Variants in RFTN2 observed in about 807,000 individuals in gnomAD.
RFTN2 encodes the protein raftlin-2.
Under a neutral mutation model 52.7 loss-of-function variants are expected in RFTN2, and 34 were observed. The ratio of observed to expected loss-of-function variants is 0.64; its 90% CI spans 0.49 to 0.86. The LOEUF (loss-of-function observed/expected upper bound fraction) is 0.86, where lower values mean the gene tolerates loss of function less well. RFTN2 is among the 40% of genes least tolerant of loss of function. The pLI, the probability that RFTN2 is intolerant of heterozygous loss-of-function variation, is 0.00. For missense variants in RFTN2, 536 were observed against 600.1 expected, an observed-to-expected ratio of 0.89 and a Z score of 1.12; for synonymous variants, 203 against 217.7, an observed-to-expected ratio of 0.93 and a Z score of 0.59.
At chr2:197,646,777 C>A in intron 1 of RFTN2, 111 bp from the exon 2 acceptor site, 1 of 829,958 alleles carries the variant, frequency 1.2e-6, no homozygotes, top group East Asian at 2.8e-5. Context: ...TGGCCGGGTG[C>A]AATGGCACAT....
intron 7 of RFTN2, among the ~76,000 whole-genome samples, chr2:197,601,423 G>A (rs2087879874): frequency 6.6e-6 from 1 of 152,134 alleles, no homozygotes; most frequent in African/African-American, 2.4e-5. Context: ...TAACATGCTT[G>A]TTTCTTATGA....
chr2:197,572,372 G>T (rs2087333718), intron 8 of RFTN2, 92 bp from the exon 9 acceptor site: 2 of 1,272,448 alleles, frequency 1.6e-6, no homozygotes, highest in Non-Finnish European at 2.2e-6. Context: ...CTGCCTCCAG[G>T]AATGTCCTTT....
At chr2:197,619,093 G>C (rs888931689) in intron 5 of RFTN2, among the ~76,000 whole-genome samples, 3 of 151,068 alleles carry the variant, frequency 2.0e-5, no homozygotes, top group African/African-American at 7.3e-5. Context: ...GGGAAGTGAG[G>C]AGCCCCTCTG....
chr2:197,594,362 C>T (rs1438782008), intron 8 of RFTN2, among the ~76,000 whole-genome samples: 5 of 152,044 alleles, frequency 3.3e-5, no homozygotes, highest in Non-Finnish European at 5.9e-5. Context: ...GGGTCTCACT[C>T]CGTCACCCAG....
In RFTN2 at chr2:197,591,628, C is replaced by T. The variant is rs536201020; in HGVS notation, c.1233+4363G>A. On this transcript the variant is annotated intron_variant, in intron 8 of 8. Transcript: ENST00000295049. ...GGGGCAGCACTCATTGGGGAGGCTCCGGTGGTGCAGGAGCCCACGGTGGTG... is the reference window on the plus strand; with the variant it reads ...GGGGCAGCACTCATTGGGGAGGCTCTGGTGGTGCAGGAGCCCACGGTGGTG... 5.3e-5 allele frequency among the ~76,000 whole-genome samples: 8 copies of T among 152,186 alleles called. No individual in the cohort carries two copies. In the South Asian group the frequency reaches 1.0e-3, roughly 20 times the overall value.
intron 8 of RFTN2, among the ~76,000 whole-genome samples, chr2:197,589,758 T>G (rs72914995): frequency 5.3e-4 from 81 of 152,326 alleles, no homozygotes; most frequent in Non-Finnish European, 9.6e-4. Context: ...TAAAATCGTT[T>G]GTCATGTATA....
intron 1 of RFTN2, among the ~76,000 whole-genome samples, chr2:197,656,296 G>C (rs566541649): frequency 2.0e-5 from 3 of 152,218 alleles, no homozygotes; most frequent in African/African-American, 7.2e-5. Flanking sequence ...TTTGTAATGA[G>C]GTCCTCTTAT....
intron 7 of RFTN2, among the ~76,000 whole-genome samples, chr2:197,596,781 T>C (rs1559343375): frequency 6.6e-6 from 1 of 152,116 alleles, no homozygotes; most frequent in Non-Finnish European, 1.5e-5. Flanking sequence ...TGTGAGAAAA[T>C]TTACATCCAT....
At chr2:197,576,196 T>C (rs770364585) in intron 8 of RFTN2, among the ~76,000 whole-genome samples, 1 of 151,930 alleles carries the variant, frequency 6.6e-6, no homozygotes, top group Non-Finnish European at 1.5e-5. Flanking sequence ...TTAGTAGAGA[T>C]GGGGTTTCAA....
At chr2:197,633,636 A>T in intron 4 of RFTN2, 82 bp downstream of exon 4, 5 of 1,016,098 alleles carry the variant, frequency 4.9e-6, no homozygotes, top group Non-Finnish European at 7.3e-6. Flanking sequence ...ATTTACTTTG[A>T]CTCATATTTC....
chr2:197,625,981 G>A (rs554455978), intron 5 of RFTN2, among the ~76,000 whole-genome samples: 106 of 152,070 alleles, frequency 7.0e-4, no homozygotes, highest in Middle Eastern at 3.4e-3. Flanking sequence ...TAGAGACAGC[G>A]TTTTGCCGTG....
chr2:197,640,698 C>T (rs1250843689), intron 3 of RFTN2, among the ~76,000 whole-genome samples: 3 of 150,220 alleles, frequency 2.0e-5, no homozygotes, highest in East Asian at 2.0e-4. Flanking sequence ...CCGTCTTCTG[C>T]GTCGCTCACG....
At chr2:197,587,163 A>T (rs2087613002) in intron 8 of RFTN2, among the ~76,000 whole-genome samples, 1 of 151,868 alleles carries the variant, frequency 6.6e-6, no homozygotes, top group Non-Finnish European at 1.5e-5. Context: ...ACCCCACAAT[A>T]TTGCCCCTTA....
chr2:197,584,154 G>A (rs928732278), intron 8 of RFTN2, among the ~76,000 whole-genome samples: 1 of 152,168 alleles, frequency 6.6e-6, no homozygotes, highest in African/African-American at 2.4e-5. Flanking sequence ...TAATGGGATG[G>A]CTGGGTCAAA....
intron 5 of RFTN2, among the ~76,000 whole-genome samples, chr2:197,628,211 G>C (rs2088401216): frequency 6.6e-6 from 1 of 152,190 alleles, no homozygotes; most frequent in African/African-American, 2.4e-5. Context: ...TCCCAGGAAA[G>C]TCCCAAATGA....
chr2:197,659,472 T>A, intron 1 of RFTN2, among the ~76,000 whole-genome samples: 1 of 94,020 alleles, frequency 1.1e-5, no homozygotes. Flanking sequence ...CAAGACTCCA[T>A]CTCATAAAAA....
intron 8 of RFTN2, among the ~76,000 whole-genome samples, chr2:197,593,720 C>G (rs13398960): frequency 0.04 from 6,046 of 151,926 alleles, 387 homozygotes; most frequent in African/African-American, 0.14. Flanking sequence ...AACCCCATCT[C>G]TACCAAAAAT....
chr2:197,668,904 G>A (rs1013630230), intron 1 of RFTN2, among the ~76,000 whole-genome samples: 2 of 152,186 alleles, frequency 1.3e-5, no homozygotes, highest in African/African-American at 4.8e-5. Context: ...GGGGTCCACA[G>A]TGGGAAGGTG....
intron 1 of RFTN2, among the ~76,000 whole-genome samples, chr2:197,662,181 G>A (rs1359561121): frequency 6.6e-6 from 1 of 151,878 alleles, no homozygotes; most frequent in Non-Finnish European, 1.5e-5. Context: ...GTGCTTTTGA[G>A]GTCTTAGCCA....
Sources: allele counts gnomAD v4.1 joint callset (sites outside exome capture counted in the v4.1 genomes callset), GRCh38; gene constraint gnomAD v4.1.1; transcripts MANE v1.5; gene names NCBI Gene and HGNC (gene_info 2026-07-23, HGNC 2026-07-21).